Variants in TTC27 observed in about 807,000 individuals in gnomAD.
The protein encoded by TTC27 is tetratricopeptide repeat protein 27.
In TTC27, 79 loss-of-function variants were observed where a neutral mutation model predicts 115.9. That is an observed-to-expected ratio of 0.68 (90% CI 0.57 to 0.82). The LOEUF (loss-of-function observed/expected upper bound fraction) is 0.82, where lower values mean the gene tolerates loss of function less well. TTC27 is among the 40% of genes least tolerant of loss of function. TTC27 has a pLI of 0.00. For missense variants in TTC27, 1,054 were observed against 993.1 expected, an observed-to-expected ratio of 1.06 and a Z score of -0.82; for synonymous variants, 401 against 356.0, an observed-to-expected ratio of 1.13 and a Z score of -1.42.
chr2:32,716,963 G>T (rs1019743897), intron 10 of TTC27, among the ~76,000 whole-genome samples: 1 of 150,578 alleles, frequency 6.6e-6, no homozygotes, highest in African/African-American at 2.4e-5. Context: ...CAAAGTTTTG[G>T]GATTACAAGT....
At chr2:32,667,578 G>A (rs1019357410) in intron 7 of TTC27, among the ~76,000 whole-genome samples, 5 of 150,968 alleles carry the variant, frequency 3.3e-5, no homozygotes, top group Non-Finnish European at 7.4e-5. Context: ...CACCACGCCC[G>A]GCTAATTTTG....
At chr2:32,663,632 CTATTTATG>C (rs1220833858) in intron 5 of TTC27, among the ~76,000 whole-genome samples, 13 of 142,424 alleles carry the variant, frequency 9.1e-5, no homozygotes, top group African/African-American at 2.6e-4. Flanking sequence ...CAGCCACCCC[CTATTTATG>C]TATGTATGTA....
intron 7 of TTC27, 90 bp from the exon 8 acceptor site, chr2:32,672,182 T>G (rs1190223205): frequency 1.1e-6 from 1 of 898,164 alleles, no homozygotes; most frequent in African/African-American, 1.7e-5. Context: ...TAAGTTAACT[T>G]TATCCTTTCT....
rs749930069 is a variant in TTC27, at chr2:32,664,384, T to G, written c.722T>G (p.Phe241Cys). Residue 241 changes from phenylalanine (F) to cysteine (C), a missense_variant, in exon 6 of 20, where the codon TTT becomes TGT. Phe to Cys is a radical substitution (Grantham distance 205, BLOSUM62 -2). Coordinates refer to ENST00000317907, the MANE Select transcript of TTC27 (RefSeq NM_017735.5). ...TTCCATCTGGAATGTGCATATGTGT[T>G]TTTATATTATTATGAGTACAGAAAA... ...IQFHLECAYV[F>C]LYYYEYRKAK... 1.9e-6 allele frequency: 3 copies of G among 1,612,750 alleles called. No individual in the cohort carries two copies. The South Asian group carries it at 3.3e-5, about 18-fold the overall frequency.
intron 13 of TTC27, among the ~76,000 whole-genome samples, chr2:32,771,653 C>T (rs1017897633): frequency 6.6e-6 from 1 of 152,172 alleles, no homozygotes; most frequent in Non-Finnish European, 1.5e-5. Flanking sequence ...TATATTTCCT[C>T]ATGGAAGGAG....
At chr2:32,746,822 G>A (rs1252725888) in intron 12 of TTC27, among the ~76,000 whole-genome samples, 1 of 152,126 alleles carries the variant, frequency 6.6e-6, no homozygotes, top group Non-Finnish European at 1.5e-5. Context: ...GAACATTTTG[G>A]AAAGAGTGAA....
intron 16 of TTC27, among the ~76,000 whole-genome samples, chr2:32,788,883 G>A (rs1670437151): frequency 6.8e-6 from 1 of 148,016 alleles, no homozygotes; most frequent in Admixed American, 6.7e-5. Context: ...GCTTCCCAAG[G>A]CACATAGAGC....
At chr2:32,705,600 G>C (rs1667341765) in intron 10 of TTC27, among the ~76,000 whole-genome samples, 1 of 152,010 alleles carries the variant, frequency 6.6e-6, no homozygotes, top group South Asian at 2.1e-4. Flanking sequence ...GCCTTGGTTG[G>C]AGTGCAGTGG....
chr2:32,777,073 A>G (rs1189125309), intron 13 of TTC27, among the ~76,000 whole-genome samples: 1 of 152,146 alleles, frequency 6.6e-6, no homozygotes, highest in Non-Finnish European at 1.5e-5. Flanking sequence ...CATACTTTAC[A>G]TTTTGAGTAA....
At chr2:32,694,220 TGTA>T (rs1028337689) in intron 9 of TTC27, among the ~76,000 whole-genome samples, 10 of 152,212 alleles carry the variant, frequency 6.6e-5, no homozygotes, top group African/African-American at 9.7e-5. Flanking sequence ...ATTAACAACA[TGTA>T]GTATTTTATA....
chr2:32,637,576 C>T (rs1164081939), intron 3 of TTC27, among the ~76,000 whole-genome samples: 2 of 152,138 alleles, frequency 1.3e-5, no homozygotes, highest in Admixed American at 1.3e-4. Flanking sequence ...TATGATCTGC[C>T]TGCCTCAGCC....
chr2:32,674,448 G>C (rs539792406), intron 8 of TTC27, among the ~76,000 whole-genome samples: 12 of 152,214 alleles, frequency 7.9e-5, no homozygotes, highest in African/African-American at 2.9e-4. Context: ...ACCGTGCCCA[G>C]TCAAAATCTT....
chr2:32,815,510 A>AT (rs1671474074), intron 18 of TTC27, among the ~76,000 whole-genome samples: 1 of 151,916 alleles, frequency 6.6e-6, no homozygotes. Flanking sequence ...GTGCTGGCAG[A>AT]TTTTCTGATG....
Position 32,760,315 on chromosome 2 carries a change from G to A in TTC27, c.1680+1796G>A, listed in dbSNP as rs184409477. On this transcript the variant is annotated intron_variant, in intron 13 of 19. Transcript: ENST00000317907. Reference sequence around the variant, plus strand: ...GATGCTTAGAGTATACTAAGGAATTGGTTTTTGTTGACAGTTTGCTCTAAG... The same window carrying A: ...GATGCTTAGAGTATACTAAGGAATTAGTTTTTGTTGACAGTTTGCTCTAAG... 5.9e-5 allele frequency among the ~76,000 whole-genome samples: 9 copies of A among 152,316 alleles called. No individual in the cohort carries two copies. The East Asian group carries it at 1.7e-3, about 29-fold the overall frequency.
chr2:32,733,793 C>T, intron 10 of TTC27, 35 bp from the exon 11 acceptor site: 2 of 1,335,936 alleles, frequency 1.5e-6, no homozygotes, highest in Non-Finnish European at 2.1e-6. Flanking sequence ...ATAAGTTATA[C>T]ATATAGATTC....
At chr2:32,637,521 C>CAAAATAAATTTT (rs1664474670) in intron 3 of TTC27, among the ~76,000 whole-genome samples, 1 of 151,932 alleles carries the variant, frequency 6.6e-6, no homozygotes, top group Non-Finnish European at 1.5e-5. Flanking sequence ...TTAATAGAGA[C>CAAAATAAATTTT]GGGGTTTCAC....
Position 32,817,570 on chromosome 2 carries a change from T to G in TTC27, c.2409+13T>G, listed in dbSNP as rs1012272139. ...ATCTAAAGCAAAGGTGAGAGTGACATGTGAATTAATTGGAATTGTCATATA... is the reference window on the plus strand; with the variant it reads ...ATCTAAAGCAAAGGTGAGAGTGACAGGTGAATTAATTGGAATTGTCATATA... On this transcript the variant is annotated intron_variant, in intron 19 of 19. Coordinates refer to ENST00000317907, the MANE Select transcript of TTC27 (RefSeq NM_017735.5). The G allele has an allele frequency of 6.2e-7, 1 of 1,602,166 alleles. No individual in the cohort carries two copies. The highest frequency in any genetic ancestry group is 8.6e-7 in the Non-Finnish European group (1 of 1,169,294).
intron 13 of TTC27, among the ~76,000 whole-genome samples, chr2:32,767,113 C>T (rs1455127596): frequency 6.6e-6 from 1 of 152,042 alleles, no homozygotes; most frequent in Non-Finnish European, 1.5e-5. Context: ...AAATCCCATA[C>T]ATCAAATCAT....
intron 19 of TTC27, 101 bp from the exon 20 acceptor site, chr2:32,820,715 A>G (rs1671668926): frequency 9.2e-7 from 1 of 1,091,158 alleles, no homozygotes; most frequent in East Asian, 2.9e-5. Flanking sequence ...ATTGTATAGT[A>G]TTATTATGCA....
Sources: gnomAD v4.1 joint callset for allele counts (sites outside exome capture counted in the v4.1 genomes callset) on GRCh38, gnomAD v4.1.1 for gene constraint, MANE v1.5 for transcripts, NCBI Gene and HGNC (gene_info 2026-07-23, HGNC 2026-07-21) for gene names.